ADCY2: variants seen among roughly 807,000 people sequenced by gnomAD.
ADCY2 encodes adenylate cyclase type 2.
Under a neutral mutation model 125.2 loss-of-function variants are expected in ADCY2, and 31 were observed. The ratio of observed to expected loss-of-function variants is 0.25; its 90% confidence interval spans 0.19 to 0.33. The LOEUF (loss-of-function observed/expected upper bound fraction) is 0.33, where lower values mean the gene tolerates loss of function less well. Among genes scored for constraint, ADCY2 ranks in the 10% least tolerant of loss-of-function variants. The probability of loss-of-function intolerance (pLI) is 1.00; values close to 1 mark genes in which losing one functional copy is unlikely to be tolerated. For missense variants in ADCY2, 904 were observed against 1,418.2 expected, an observed-to-expected ratio of 0.64 and a Z score of 5.82; for synonymous variants, 512 against 548.4, an observed-to-expected ratio of 0.93 and a Z score of 0.93.
chr5:7,543,189 A>C (rs1020101003), intron 3 of ADCY2, among the ~76,000 whole-genome samples: 9 of 152,318 alleles, frequency 5.9e-5, no homozygotes, highest in Non-Finnish European at 1.3e-4. Flanking sequence ...TGTGGAGTAC[A>C]ATCTTCTTAT....
At chr5:7,618,250 G>T (rs143640496) in intron 3 of ADCY2, among the ~76,000 whole-genome samples, 1,610 of 152,220 alleles carry the variant, frequency 0.011, 40 homozygotes, top group South Asian at 0.013. Flanking sequence ...CAATGTTTAG[G>T]CCCATATCCT....
intron 2 of ADCY2, among the ~76,000 whole-genome samples, chr5:7,449,461 A>G (rs1485978670): frequency 2.0e-5 from 3 of 152,224 alleles, no homozygotes; most frequent in East Asian, 3.8e-4. Context: ...GAACTCTATC[A>G]GCCTGGTACT....
intron 3 of ADCY2, among the ~76,000 whole-genome samples, chr5:7,608,340 G>C (rs1227384469): frequency 2.6e-5 from 4 of 152,270 alleles, no homozygotes; most frequent in Admixed American, 2.0e-4. Flanking sequence ...CCAGCACTTT[G>C]GGAGGCCAAG....
chr5:7,568,663 C>G lies in ADCY2; in HGVS notation c.570+47764C>G, dbSNP rs545206266. Among the ~76,000 whole-genome samples, 5 of 152,226 alleles carry G rather than the reference C, an allele frequency of 3.3e-5. No individual in the cohort carries two copies. In the South Asian group the frequency reaches 1.0e-3, roughly 32 times the overall value. On this transcript the variant is annotated intron_variant, in intron 3 of 24. Transcript: ENST00000338316. ...CTGCTGCTACCAGAACTGGAATTTT[C>G]CCCTTCTTGGAGATAAAATACGGCA...
chr5:7,507,817 A>T (rs1023862726), intron 2 of ADCY2, among the ~76,000 whole-genome samples: 1 of 152,142 alleles, frequency 6.6e-6, no homozygotes, highest in Admixed American at 6.5e-5. Context: ...TTCAGGGATT[A>T]TGTATGAATA....
intron 3 of ADCY2, among the ~76,000 whole-genome samples, chr5:7,615,902 C>T (rs1208852797): frequency 6.6e-6 from 1 of 152,120 alleles, no homozygotes; most frequent in East Asian, 1.9e-4. Flanking sequence ...TAAAGTTATG[C>T]AACACTCAAC....
chr5:7,576,216 C>T (rs1736243786), intron 3 of ADCY2, among the ~76,000 whole-genome samples: 1 of 152,192 alleles, frequency 6.6e-6, no homozygotes, highest in Non-Finnish European at 1.5e-5. Flanking sequence ...GTGGCAGTAA[C>T]AGAGCTGTCA....
chr5:7,591,222 C>G (rs1475737389), intron 3 of ADCY2, among the ~76,000 whole-genome samples: 1 of 152,170 alleles, frequency 6.6e-6, no homozygotes, highest in Non-Finnish European at 1.5e-5. Flanking sequence ...TGTCAGAAAA[C>G]TCAGAGACAG....
chr5:7,757,262 G>A (rs1215753047), intron 15 of ADCY2, among the ~76,000 whole-genome samples, 187 bp from the exon 16 acceptor site: 2 of 152,154 alleles, frequency 1.3e-5, no homozygotes, highest in Admixed American at 6.5e-5. Context: ...TCAATTGGTA[G>A]CAATGATGCC....
At chr5:7,488,937 G>A (rs1221832143) in intron 2 of ADCY2, among the ~76,000 whole-genome samples, 1 of 152,188 alleles carries the variant, frequency 6.6e-6, no homozygotes, top group African/African-American at 2.4e-5. Flanking sequence ...AGCCTCCCCT[G>A]AAGAATGAGT....
Position 7,680,696 on chromosome 5 carries a change from C to G in ADCY2, c.721-9995C>G, listed in dbSNP as rs578017118. The stretch of plus-strand genomic sequence containing the variant: ...CAATGCATTACATATATAAAGTAAA[C>G]TTGAGTTTTCATCCTATGTAACTTG... On this transcript the variant is annotated intron_variant, in intron 4 of 24. Transcript: ENST00000338316. Among the ~76,000 whole-genome samples, 6 of 152,248 alleles carry G rather than the reference C, an allele frequency of 3.9e-5. No individual in the cohort carries two copies. The South Asian group carries it at 8.3e-4, about 21-fold the overall frequency.
intron 22 of ADCY2, 121 bp downstream of exon 22, chr5:7,804,813 A>G (rs1226592446): frequency 1.1e-5 from 8 of 703,880 alleles, no homozygotes; most frequent in Admixed American, 9.5e-5. Flanking sequence ...CCTAAAGCTC[A>G]GGGTCAAGGT....
chr5:7,426,624 C>A (rs932571441), intron 2 of ADCY2, among the ~76,000 whole-genome samples: 1 of 152,206 alleles, frequency 6.6e-6, no homozygotes, highest in Non-Finnish European at 1.5e-5. Context: ...AGGGCATAAA[C>A]ATGTAAACCA....
chr5:7,703,478 G>A (rs1741157690), intron 7 of ADCY2, among the ~76,000 whole-genome samples: 1 of 152,154 alleles, frequency 6.6e-6, no homozygotes, highest in Admixed American at 6.5e-5. Context: ...TTATTAAATA[G>A]GGAATCCTTT....
At position 7,765,938 on chromosome 5, in the gene ADCY2, C is replaced by A. The variant is rs545774541; in HGVS notation, c.2095-749C>A. Reference sequence around the variant, plus strand: ...TTCTGTAGGACAGACAGCGAGCGAGCGAGAGAGAGAGAGAGGATGAGAGAG... The same window carrying A: ...TTCTGTAGGACAGACAGCGAGCGAGAGAGAGAGAGAGAGAGGATGAGAGAG... On this transcript the variant is annotated intron_variant, in intron 16 of 24. Transcript: ENST00000338316. Among the ~76,000 whole-genome samples the A allele has an allele frequency of 4.0e-5, 6 of 149,456 alleles. No homozygotes were observed. The South Asian group carries it at 6.4e-4, about 16-fold the overall frequency.
At position 7,802,496 on chromosome 5, in the gene ADCY2, T is replaced by A; in HGVS notation, c.2775+132T>A. The A allele has an allele frequency of 2.0e-6, 2 of 999,058 alleles. No individual in the cohort carries two copies. Among genetic ancestry groups the A allele is most frequent in the Non-Finnish European group, 2.9e-6 (2 of 697,902 alleles). The allele number at this position is 999,058 out of a possible 1,614,324, so 61.9% of individuals were successfully genotyped here. On this transcript the variant is annotated intron_variant, in intron 21 of 24. Transcript: ENST00000338316. The surrounding 1 kb of genome is among the most constrained non-coding windows in gnomAD (Gnocchi z 4.6). Reference sequence around the variant, plus strand: ...TGGCATAATTTCTGGCAGATGGCATTAAAGCCTTTTGCTTTATTTAGGTCT... The same window carrying A: ...TGGCATAATTTCTGGCAGATGGCATAAAAGCCTTTTGCTTTATTTAGGTCT...
At chr5:7,397,996 C>T (rs1325594137) in intron 1 of ADCY2, among the ~76,000 whole-genome samples, 1 of 152,150 alleles carries the variant, frequency 6.6e-6, no homozygotes, top group East Asian at 1.9e-4. Context: ...GACTTCTGCT[C>T]AGTCTCATGG....
intron 3 of ADCY2, among the ~76,000 whole-genome samples, chr5:7,622,447 C>G (rs896146919): frequency 3.9e-5 from 6 of 152,130 alleles, no homozygotes; most frequent in Admixed American, 2.6e-4. Context: ...GACATTAAAG[C>G]CCTACGTTGT....
chr5:7,529,270 C>A (rs972102303), intron 3 of ADCY2, among the ~76,000 whole-genome samples: 4 of 147,046 alleles, frequency 2.7e-5, no homozygotes, highest in African/African-American at 9.9e-5. Flanking sequence ...TTAAGTGGGC[C>A]AGGTGCATAG....
Sources: gnomAD v4.1 joint callset for allele counts (sites outside exome capture counted in the v4.1 genomes callset) on GRCh38, gnomAD v4.1.1 for gene constraint, Gnocchi (gnomAD v3.1) non-coding constraint, MANE v1.5 for transcripts, NCBI Gene and HGNC (gene_info 2026-07-23, HGNC 2026-07-21) for gene names.